Variants in DYSF observed in about 807,000 individuals in gnomAD.
The protein encoded by DYSF is dystrophy-associated fer-1-like 1.
A neutral mutation model predicts 274.9 loss-of-function variants in DYSF; 212 were observed. That is an observed-to-expected ratio of 0.77 (90% CI 0.69 to 0.86). The LOEUF is 0.86. Ranked by LOEUF, DYSF falls within the 40% of genes least tolerant of loss-of-function variation. DYSF has a pLI of 0.00. For missense variants in DYSF, 2,666 were observed against 2,783.2 expected (o/e 0.96, Z 0.95); for synonymous variants, 1,091 against 1,078.7 (o/e 1.01, Z -0.22).
chr2:71,674,578 C>T (rs1030146126), intron 52 of DYSF, among the ~76,000 whole-genome samples: 2 of 152,176 alleles, frequency 1.3e-5, no homozygotes, highest in African/African-American at 4.8e-5. Flanking sequence ...TGTAAGTAAG[C>T]GAGGGACGCA....
At chr2:71,613,867 T>G (rs1052617471) in intron 40 of DYSF, among the ~76,000 whole-genome samples, 1 of 152,108 alleles carries the variant, frequency 6.6e-6, no homozygotes, top group Admixed American at 6.5e-5. Context: ...GGAGACAGCT[T>G]AGAAAGAAGA....
At chr2:71,657,753 C>T (rs1160946622) in intron 43 of DYSF, among the ~76,000 whole-genome samples, 1 of 152,186 alleles carries the variant, frequency 6.6e-6, no homozygotes, top group African/African-American at 2.4e-5. Flanking sequence ...ACGGTTGGAG[C>T]AGCTGGGACA....
At chr2:71,628,726 A>G (rs992542470) in intron 41 of DYSF, among the ~76,000 whole-genome samples, 2 of 152,114 alleles carry the variant, frequency 1.3e-5, no homozygotes, top group Admixed American at 6.5e-5. Context: ...TGGGGCAGGC[A>G]GATCATTGAG....
intron 47 of DYSF, among the ~76,000 whole-genome samples, chr2:71,665,919 C>T (rs540788666): frequency 1.3e-5 from 2 of 152,278 alleles, no homozygotes; most frequent in East Asian, 3.9e-4. Context: ...AGCTCAGACT[C>T]CCCAGAGGTG....
intron 24 of DYSF, 43 bp downstream of exon 24, chr2:71,564,256 A>G (rs906042580): frequency 1.3e-5 from 21 of 1,612,460 alleles, no homozygotes; most frequent in African/African-American, 6.7e-5. Context: ...ATTTTTCCCA[A>G]CATAAGGCCT....
chr2:71,565,266 A>ATTTTTTTTTTTTTTTTTTTTTTTT (rs1236133814), intron 24 of DYSF, among the ~76,000 whole-genome samples: 17 of 113,794 alleles, frequency 1.5e-4, no homozygotes, highest in African/African-American at 6.1e-4. Flanking sequence ...TTTTTTTTTA[A>ATTTTTTTTTTTTTTTTTTTTTTTT]TTTTAGTGGA....
chr2:71,626,308 GTT>G (rs70963105), intron 41 of DYSF, among the ~76,000 whole-genome samples: 1 of 150,472 alleles, frequency 6.6e-6, no homozygotes, highest in Admixed American at 6.6e-5. Context: ...CTAGTTAGCT[GTT>G]TTTTTTCATG....
intron 4 of DYSF, among the ~76,000 whole-genome samples, chr2:71,505,132 A>ACAGAGG (rs1250694487): frequency 6.6e-6 from 1 of 152,198 alleles, no homozygotes; most frequent in East Asian, 1.9e-4. Flanking sequence ...CCTCACCTGT[A>ACAGAGG]CAGAGGGTCT....
chr2:71,563,896 C>G (rs1325105942), intron 23 of DYSF, among the ~76,000 whole-genome samples, 162 bp from the exon 24 acceptor site: 1 of 152,224 alleles, frequency 6.6e-6, no homozygotes, highest in Non-Finnish European at 1.5e-5. Context: ...CTGGCCAGCC[C>G]TGGGAGGTCT....
intron 49 of DYSF, 93 bp downstream of exon 49, chr2:71,668,935 C>T (rs538170498): frequency 2.4e-4 from 339 of 1,423,086 alleles, no homozygotes; most frequent in South Asian, 1.4e-3. Flanking sequence ...TCTTTTCTGC[C>T]GGGCTTCAGG....
At chr2:71,528,499 AC>A in intron 14 of DYSF, 98 bp downstream of exon 14, 1 of 1,027,822 alleles carries the variant, frequency 9.7e-7, no homozygotes, top group Non-Finnish European at 1.5e-6. Flanking sequence ...AGATGCCCCC[AC>A]CAGAGGTGTG....
intron 45 of DYSF, 134 bp from the exon 46 acceptor site, chr2:71,664,134 T>C (rs2094953565): frequency 9.6e-7 from 1 of 1,044,580 alleles, no homozygotes. Flanking sequence ...GTGCTGTGGG[T>C]GGTTGGGCCT....
Position 71,535,002 on chromosome 2 carries a change from C to T in DYSF, c.1381-19C>T. 2.5e-6 allele frequency: 4 copies of T among 1,614,082 alleles called. No homozygotes were observed. Among genetic ancestry groups the T allele is most frequent in the Non-Finnish European group, 3.4e-6 (4 of 1,179,898 alleles). On this transcript the variant is annotated intron_variant, in intron 14 of 55. Transcript: ENST00000410020. ...CCCCATGGAGCTTGATCAACTTGTC[C>T]CCTCCCTGTGTCTTCTAGCTGTGCA...
chr2:71,587,127 C>T (rs899073765), intron 30 of DYSF, among the ~76,000 whole-genome samples: 1 of 152,216 alleles, frequency 6.6e-6, no homozygotes, highest in African/African-American at 2.4e-5. Flanking sequence ...GTTTGCTTTG[C>T]GTTTGGTGTT....
intron 42 of DYSF, among the ~76,000 whole-genome samples, chr2:71,654,269 T>G (rs1370070045): frequency 6.6e-6 from 1 of 152,224 alleles, no homozygotes; most frequent in East Asian, 1.9e-4. Context: ...GGTGAAAGGC[T>G]GGGAGTGTGG....
chr2:71,520,866 A>G lies in DYSF; in HGVS notation c.1111A>G (p.Thr371Ala), dbSNP rs1049651735. The G allele has an allele frequency of 1.9e-6, 3 of 1,614,004 alleles. No individual in the cohort carries two copies. In the African/African-American group the frequency reaches 4.0e-5, roughly 22 times the overall value. Residue 371 changes from threonine (T) to alanine (A), a missense_variant, in exon 12 of 56, where the codon ACA (threonine) becomes GCA (alanine). Thr to Ala is a moderately conservative substitution (Grantham distance 58). Transcript: ENST00000410020. ...FSAGARGYLKTSLCVLGPGDE... is the reference protein window; with the variant it reads ...FSAGARGYLKASLCVLGPGDE... The stretch of plus-strand genomic sequence containing the variant: ...TGCTGGGGCCAGAGGCTACCTGAAA[A>G]CAAGCCTTTGTGTGCTGGGGCCTGG...
At chr2:71,589,102 T>C (rs1253002777) in intron 30 of DYSF, among the ~76,000 whole-genome samples, 1 of 152,180 alleles carries the variant, frequency 6.6e-6, no homozygotes, top group African/African-American at 2.4e-5. Flanking sequence ...TTGCTCACCC[T>C]CAGCAGAGTG....
chr2:71,526,402 T>TGGGGGGGGGGGGGGGGGGGG, intron 13 of DYSF, 56 bp downstream of exon 13: 1 of 520,752 alleles, frequency 1.9e-6, no homozygotes, highest in East Asian at 9.4e-5. Context: ...GGCGCAGGGC[T>TGGGGGGGGGGGGGGGGGGGG]GGTGGGGGTG....
At chr2:71,570,919 C>A in intron 29 of DYSF, 178 bp downstream of exon 29, 1 of 854,734 alleles carries the variant, frequency 1.2e-6, no homozygotes, top group East Asian at 2.7e-5. Flanking sequence ...TCACACCCAG[C>A]ATACACACAG....
Sources: gnomAD v4.1 joint callset for allele counts (sites outside exome capture counted in the v4.1 genomes callset) on GRCh38, gnomAD v4.1.1 for gene constraint, MANE v1.5 for transcripts, NCBI Gene and HGNC (gene_info 2026-07-23, HGNC 2026-07-21) for gene names.